Variants in NCK2 observed in about 807,000 individuals in gnomAD.
The protein encoded by NCK2 is cytoplasmic protein NCK2.
A neutral mutation model predicts 33.9 loss-of-function variants in NCK2; 16 were observed. That is an observed-to-expected ratio of 0.47 (90% confidence interval 0.32 to 0.72). The LOEUF (loss-of-function observed/expected upper bound fraction) is 0.72. Among genes scored for constraint, NCK2 ranks in the 30% least tolerant of loss-of-function variants. The pLI, the probability that NCK2 is intolerant of heterozygous loss-of-function variation, is 0.03. For missense variants in NCK2, 418 were observed against 537.3 expected, an observed-to-expected ratio of 0.78 and a Z score of 2.19; for synonymous variants, 273 against 239.9, an observed-to-expected ratio of 1.14 and a Z score of -1.27.
chr2:105,843,341 T>C (rs1676721307), intron 2 of NCK2, among the ~76,000 whole-genome samples: 1 of 151,708 alleles, frequency 6.6e-6, no homozygotes, highest in Non-Finnish European at 1.5e-5. Flanking sequence ...TTTTGGATTT[T>C]GGAGTTTTGA....
intron 3 of NCK2, among the ~76,000 whole-genome samples, chr2:105,859,996 C>T (rs987467027): frequency 6.6e-6 from 1 of 152,150 alleles, no homozygotes; most frequent in South Asian, 2.1e-4. Context: ...TTCAAAACAA[C>T]AATCAGGGCT....
chr2:105,871,619 C>T (rs1019413194), intron 3 of NCK2, among the ~76,000 whole-genome samples: 3 of 152,088 alleles, frequency 2.0e-5, no homozygotes, highest in Non-Finnish European at 4.4e-5. Flanking sequence ...CCTCAGCCTC[C>T]CCAGTGGCTA....
intron 3 of NCK2, among the ~76,000 whole-genome samples, chr2:105,864,510 G>C (rs767272808): frequency 4.6e-5 from 7 of 152,094 alleles, no homozygotes; most frequent in Admixed American, 2.0e-4. Flanking sequence ...GGAGTTTGAG[G>C]TTAGGGTGGG....
chr2:105,850,670 T>G (rs1228519702), intron 2 of NCK2, among the ~76,000 whole-genome samples: 1 of 152,178 alleles, frequency 6.6e-6, no homozygotes, highest in Admixed American at 6.5e-5. Flanking sequence ...GAGAAAAACA[T>G]GCGTTGTTCT....
At chr2:105,760,335 G>A (rs1054603486) in intron 1 of NCK2, among the ~76,000 whole-genome samples, 4 of 152,162 alleles carry the variant, frequency 2.6e-5, no homozygotes, top group African/African-American at 4.8e-5. Context: ...TGCAAATTCC[G>A]GGGAACTGCC....
chr2:105,797,526 A>T (rs1691123684), intron 1 of NCK2, among the ~76,000 whole-genome samples: 1 of 152,212 alleles, frequency 6.6e-6, no homozygotes, highest in African/African-American at 2.4e-5. Flanking sequence ...CTCTGCACCC[A>T]TGTGAGGGAG....
At chr2:105,864,193 G>A (rs1343458659) in intron 3 of NCK2, among the ~76,000 whole-genome samples, 1 of 152,112 alleles carries the variant, frequency 6.6e-6, no homozygotes, top group Non-Finnish European at 1.5e-5. Flanking sequence ...TGAGTGCTGG[G>A]GTGTCCGGCA....
Position 105,893,059 on chromosome 2 carries a change from C to T in NCK2, c.1026C>T (p.Tyr342=). The T allele has an allele frequency of 6.2e-7, 1 of 1,614,214 alleles. No individual in the cohort carries two copies. Among genetic ancestry groups the T allele is most frequent in the Non-Finnish European group, 8.5e-7 (1 of 1,180,042 alleles). Residue 342 remains tyrosine, a synonymous_variant, in exon 5 of 5, where the codon TAC becomes TAT. Coordinates refer to ENST00000233154, the MANE Select transcript of NCK2 (RefSeq NM_003581.5). ...HFKVQLVDNV[Y]CIGQRRFHTM... is the part of the protein sequence containing the mutation. ...AGGTGCAGCTCGTGGACAATGTCTA[C>T]TGCATTGGGCAGCGGCGCTTCCACA...
intron 1 of NCK2, among the ~76,000 whole-genome samples, chr2:105,757,042 T>C (rs1689620430): frequency 6.6e-6 from 1 of 152,126 alleles, no homozygotes; most frequent in African/African-American, 2.4e-5. Flanking sequence ...TGACCTCGGG[T>C]GATCTGCCTG....
chr2:105,759,017 G>A (rs1689678570), intron 1 of NCK2, among the ~76,000 whole-genome samples: 1 of 152,136 alleles, frequency 6.6e-6, no homozygotes, highest in East Asian at 1.9e-4. Flanking sequence ...TGGTTTTGGT[G>A]ATTTACTATA....
Position 105,893,065 on chromosome 2 carries a change from T to A in NCK2, c.1032T>A (p.Ile344=). The A allele has an allele frequency of 6.2e-7, 1 of 1,614,150 alleles. No homozygotes were observed. The highest frequency in any genetic ancestry group is 8.5e-7 in the Non-Finnish European group (1 of 1,180,014). The change falls in exon 5 of 5, where the codon ATT becomes ATA. Residue 344 remains isoleucine, a synonymous_variant. Coordinates refer to ENST00000233154, the MANE Select transcript of NCK2 (RefSeq NM_003581.5). ...AGCTCGTGGACAATGTCTACTGCATTGGGCAGCGGCGCTTCCACACCATGG... is the reference window on the plus strand; with the variant it reads ...AGCTCGTGGACAATGTCTACTGCATAGGGCAGCGGCGCTTCCACACCATGG... ...KVQLVDNVYC[I]GQRRFHTMDE...
chr2:105,835,388 C>CGTATAT lies in NCK2; in HGVS notation c.-17+18775_-17+18776insGTATAT. Reference sequence around the variant, plus strand: ...TTATATATATATACATATATATACACATATATATATATATATACGTGTATA... The same window carrying CGTATAT: ...TTATATATATATACATATATATACACGTATATATATATATATATATATACGTGTATA... On this transcript the variant is annotated intron_variant, in intron 2 of 4. Transcript: ENST00000233154. Among the ~76,000 whole-genome samples the CGTATAT allele has an allele frequency of 2.9e-4, 15 of 52,122 alleles. No individual in the cohort carries two copies. In the East Asian group the frequency reaches 6.2e-3, roughly 21 times the overall value. 34.2% of individuals were successfully genotyped at this position (52,122 alleles called of 152,430 possible).
At chr2:105,782,810 C>T (rs1310409249) in intron 1 of NCK2, among the ~76,000 whole-genome samples, 2 of 152,210 alleles carry the variant, frequency 1.3e-5, no homozygotes, top group South Asian at 2.1e-4. Flanking sequence ...CTGGCAGCCA[C>T]AGCACCTGCC....
chr2:105,835,409 G>GTGTATATATATATACGTATATA (rs56250020), intron 2 of NCK2, among the ~76,000 whole-genome samples: 2 of 59,322 alleles, frequency 3.4e-5, no homozygotes, highest in African/African-American at 1.2e-4. Flanking sequence ...ATATATACGT[G>GTGTATATATATATACGTATATA]TATATATATA....
chr2:105,863,865 C>T lies in NCK2; in HGVS notation c.226+8576C>T, dbSNP rs73946603. On this transcript the variant is annotated intron_variant, in intron 3 of 4. Transcript: ENST00000233154. ...CGCTGAAGCTTCTGAGCCTCAGTTGCGTCGTCTGTATAACGGGATACGTGA... is the reference window on the plus strand; with the variant it reads ...CGCTGAAGCTTCTGAGCCTCAGTTGTGTCGTCTGTATAACGGGATACGTGA... Among the ~76,000 whole-genome samples, 912 of 152,204 alleles carry T rather than the reference C, an allele frequency of 6.0e-3. 15 individuals carry two copies. The highest frequency in any genetic ancestry group is 0.02 in the African/African-American group (814 of 41,532).
At chr2:105,780,325 T>TATATAC (rs1325025118) in intron 1 of NCK2, among the ~76,000 whole-genome samples, 3 of 147,362 alleles carry the variant, frequency 2.0e-5, no homozygotes, top group Non-Finnish European at 4.5e-5. Flanking sequence ...GAGAGATATA[T>TATATAC]ACACACACAC....
At chr2:105,789,739 C>T (rs139228461) in intron 1 of NCK2, among the ~76,000 whole-genome samples, 92 of 152,318 alleles carry the variant, frequency 6.0e-4, no homozygotes, top group African/African-American at 2.1e-3. Context: ...GGCTTGCTCC[C>T]GGTTAACGGG....
intron 1 of NCK2, among the ~76,000 whole-genome samples, chr2:105,814,348 A>G (rs1207516503): frequency 6.6e-6 from 1 of 152,204 alleles, no homozygotes; most frequent in Non-Finnish European, 1.5e-5. Flanking sequence ...TGAATCCCAG[A>G]TGGCCACTGG....
At chr2:105,764,365 G>A (rs1689865081) in intron 1 of NCK2, among the ~76,000 whole-genome samples, 1 of 152,218 alleles carries the variant, frequency 6.6e-6, no homozygotes, top group African/African-American at 2.4e-5. Context: ...CCTTCTGCAG[G>A]GCTGTCTGAG....
Sources: allele counts gnomAD v4.1 joint callset (sites outside exome capture counted in the v4.1 genomes callset), GRCh38; gene constraint gnomAD v4.1.1; transcripts MANE v1.5; gene names NCBI Gene and HGNC (gene_info 2026-07-23, HGNC 2026-07-21).